The following PCDHA5 variants were observed in gnomAD, a reference collection of about 807,000 sequenced individuals.
The protein encoded by PCDHA5 is protocadherin alpha 5.
In PCDHA5, 43 loss-of-function variants were observed where a neutral mutation model predicts 61.6. That is an observed-to-expected ratio of 0.70 (90% CI 0.55 to 0.90). PCDHA5 has a LOEUF of 0.90. Ranked by LOEUF, PCDHA5 falls within the 40% of genes least tolerant of loss-of-function variation. PCDHA5 has a pLI of 0.00. For synonymous variants in PCDHA5, 627 were observed against 543.9 expected, an observed-to-expected ratio of 1.15 and a Z score of -2.13; for missense variants, 1,298 against 1,222.7, an observed-to-expected ratio of 1.06 and a Z score of -0.92.
chr5:140,993,133 C>T (rs2097542175), intron 3 of PCDHA5, among the ~76,000 whole-genome samples: 1 of 152,190 alleles, frequency 6.6e-6, no homozygotes, highest in East Asian at 1.9e-4. Context: ...CCTTCTGTTG[C>T]AACAAGTATA....
At chr5:140,863,396 G>A (rs782335492) in intron 1 of PCDHA5, 12 of 872,454 alleles carry the variant, frequency 1.4e-5, no homozygotes, top group South Asian at 8.9e-5. Context: ...TGCATGCCGG[G>A]CAAGCCCACG....
chr5:140,903,540 A>G (rs531687543), intron 1 of PCDHA5, among the ~76,000 whole-genome samples: 46 of 152,352 alleles, frequency 3.0e-4, no homozygotes, highest in African/African-American at 9.9e-4. Flanking sequence ...AACTAGAGCA[A>G]GAAACTTTTC....
chr5:140,967,707 C>G, intron 1 of PCDHA5: 1 of 1,614,158 alleles, frequency 6.2e-7, no homozygotes, highest in Non-Finnish European at 8.5e-7. Flanking sequence ...GATGCCAGTA[C>G]CGGGGAAGTG....
intron 1 of PCDHA5, among the ~76,000 whole-genome samples, chr5:140,960,872 AAT>A (rs2095576865): frequency 6.6e-6 from 1 of 152,232 alleles, no homozygotes; most frequent in Admixed American, 6.5e-5. Flanking sequence ...AATTAGCTGA[AAT>A]ACACACTAAT....
chr5:140,830,427 G>A, intron 1 of PCDHA5: 1 of 1,613,868 alleles, frequency 6.2e-7, no homozygotes, highest in Non-Finnish European at 8.5e-7. Flanking sequence ...CTTTCACCTT[G>A]TCCTATTATG....
chr5:140,870,318 G>A (rs372041974), intron 1 of PCDHA5: 11 of 1,614,060 alleles, frequency 6.8e-6, no homozygotes, highest in African/African-American at 4.0e-5. Flanking sequence ...ATTACTACTC[G>A]TTGGTGCTGG....
intron 1 of PCDHA5, chr5:140,882,151 G>C (rs529033742): frequency 6.7e-7 from 1 of 1,503,572 alleles, no homozygotes; most frequent in African/African-American, 1.4e-5. Flanking sequence ...AGCAGAAAGC[G>C]GAATACCTCT....
chr5:140,847,677 T>A (rs1554141874), intron 1 of PCDHA5: 1 of 149,738 alleles, frequency 6.7e-6, no homozygotes, highest in African/African-American at 2.4e-5. Flanking sequence ...TTGGAAAGAA[T>A]CAAAACAACA....
intron 3 of PCDHA5, among the ~76,000 whole-genome samples, chr5:140,997,851 C>T (rs1400770612): frequency 6.6e-6 from 1 of 152,122 alleles, no homozygotes. Flanking sequence ...CATTCTTATA[C>T]ATATTTCTTA....
intron 3 of PCDHA5, among the ~76,000 whole-genome samples, chr5:140,982,861 G>A (rs1356683030): frequency 1.3e-5 from 2 of 152,110 alleles, no homozygotes; most frequent in African/African-American, 4.8e-5. Flanking sequence ...CCTTTCAAAT[G>A]CTTAGGTCAT....
intron 1 of PCDHA5, chr5:140,928,265 A>T (rs1208273188): frequency 4.3e-6 from 7 of 1,614,188 alleles, no homozygotes; most frequent in Non-Finnish European, 4.2e-6. Flanking sequence ...GCTGAAAACA[A>T]TGGCCCTGGG....
At chr5:140,858,289 T>A in intron 1 of PCDHA5, 2 of 1,597,184 alleles carry the variant, frequency 1.3e-6, no homozygotes, top group East Asian at 4.5e-5. Context: ...GGAGCTGGTC[T>A]TACTCGCAGC....
chr5:140,955,639 C>T (rs2095212239), intron 1 of PCDHA5, among the ~76,000 whole-genome samples: 1 of 152,088 alleles, frequency 6.6e-6, no homozygotes, highest in African/African-American at 2.4e-5. Flanking sequence ...AGTGTGAGAA[C>T]AAATTAATAC....
chr5:140,946,162 A>C (rs2093896348), intron 1 of PCDHA5, among the ~76,000 whole-genome samples: 1 of 152,080 alleles, frequency 6.6e-6, no homozygotes, highest in Non-Finnish European at 1.5e-5. Context: ...GATTTAAAAG[A>C]TGGGTAAAGG....
At chr5:140,847,907 G>GT (rs1781241234) in intron 1 of PCDHA5, 1 of 149,326 alleles carries the variant, frequency 6.7e-6, no homozygotes, top group Non-Finnish European at 1.5e-5. Context: ...TAGATTTCTG[G>GT]GCTCCTATAT....
intron 1 of PCDHA5, chr5:140,848,572 T>C: frequency 3.1e-6 from 5 of 1,595,304 alleles, no homozygotes; most frequent in African/African-American, 1.3e-5. Context: ...ATGTGGGTGG[T>C]GGGGAGCGGC....
chr5:140,965,331 G>T (rs2153743444), intron 1 of PCDHA5, among the ~76,000 whole-genome samples: 1 of 152,252 alleles, frequency 6.6e-6, no homozygotes, highest in Non-Finnish European at 1.5e-5. Context: ...AAGTGAATTT[G>T]TTGTCTCTGT....
chr5:140,968,629 T>C, intron 1 of PCDHA5: 1 of 1,614,174 alleles, frequency 6.2e-7, no homozygotes, highest in Non-Finnish European at 8.5e-7. Context: ...CTTGGCTTTT[T>C]TACCATCTAG....
At chr5:140,913,166 GTTC>G (rs1273182839) in intron 1 of PCDHA5, among the ~76,000 whole-genome samples, 1 of 152,160 alleles carries the variant, frequency 6.6e-6, no homozygotes, top group Non-Finnish European at 1.5e-5. Flanking sequence ...ATTGGTATTA[GTTC>G]TTCTTTAAAT....
Sources: gnomAD v4.1 joint callset for allele counts (sites outside exome capture counted in the v4.1 genomes callset) on GRCh38, gnomAD v4.1.1 for gene constraint, MANE v1.5 for transcripts, NCBI Gene and HGNC (gene_info 2026-07-23, HGNC 2026-07-21) for gene names.